The following SRSF1 variants were observed in gnomAD, a reference collection of about 807,000 sequenced individuals.
SRSF1 encodes the protein serine and arginine rich splicing factor 1, also known as serine/arginine-rich splicing factor 1.
SRSF1 carries 1 observed loss-of-function variant against 25.9 expected under a neutral mutation model. The observed-to-expected ratio is 0.04, with a 90% CI of 0.01 to 0.18. SRSF1 has a LOEUF of 0.18. Ranked by LOEUF, SRSF1 falls within the 10% of genes least tolerant of loss-of-function variation. The pLI, the probability that SRSF1 is intolerant of heterozygous loss-of-function variation, is 1.00. For missense variants in SRSF1, 65 were observed against 350.5 expected, an observed-to-expected ratio of 0.19 and a Z score of 6.50; for synonymous variants, 132 against 126.2, an observed-to-expected ratio of 1.05 and a Z score of -0.31.
chr17:58,000,467 G>C (rs1191897653), downstream of SRSF1, among the ~76,000 whole-genome samples: 1 of 152,090 alleles, frequency 6.6e-6, no homozygotes, highest in African/African-American at 2.4e-5. Flanking sequence ...TACTGATACA[G>C]AAACAATAAC....
rs2075419380 is a variant in SRSF1, at chr17:58,005,290, T to G, written c.*116A>C. 1 of 1,122,446 alleles carries G rather than the reference T, an allele frequency of 8.9e-7. No individual in the cohort carries two copies. The highest frequency in any genetic ancestry group is 1.6e-5 in the African/African-American group (1 of 64,070). The allele number at this position is 1,122,446 out of a possible 1,614,324, so 69.5% of individuals were successfully genotyped here. On this transcript the variant is annotated 3_prime_UTR_variant, in exon 4 of 4. Coordinates refer to ENST00000258962, the MANE Select transcript of SRSF1 (RefSeq NM_006924.5). The surrounding 1 kb of genome is among the most constrained non-coding windows in gnomAD (Gnocchi z 5.2). ...GCAAGGGGATATTACAAGAATGCAA[T>G]TCAACACTTTAGCCCATTCTGAACA...
At chr17:58,006,218 C>T in intron 2 of SRSF1, 125 bp downstream of exon 2, 2 of 1,262,350 alleles carry the variant, frequency 1.6e-6, no homozygotes, top group South Asian at 1.5e-5. Flanking sequence ...ATTAAATTCA[C>T]CCAAAAACTA....
At chr17:57,999,130 T>C (rs1458481339), downstream of SRSF1, among the ~76,000 whole-genome samples, 1 of 152,196 alleles carries the variant, frequency 6.6e-6, no homozygotes, top group Non-Finnish European at 1.5e-5. Flanking sequence ...AAGTGAGGCC[T>C]AGAAAATAGA....
At chr17:58,000,115 T>G (rs1173803592), downstream of SRSF1, among the ~76,000 whole-genome samples, 1 of 152,198 alleles carries the variant, frequency 6.6e-6, no homozygotes, top group Non-Finnish European at 1.5e-5. Flanking sequence ...TTTATTCAAT[T>G]TTTATTCTGT....
chr17:57,995,103 C>G, the SRSF1 span, among the ~76,000 whole-genome samples: 1 of 152,156 alleles, frequency 6.6e-6, no homozygotes, highest in Non-Finnish European at 1.5e-5. Context: ...TTGCTGAATA[C>G]AAAAACTGAT....
chr17:57,991,326 C>A, the SRSF1 span: 4 of 152,190 alleles, frequency 2.6e-5, no homozygotes, highest in African/African-American at 9.7e-5. Context: ...ATGTGGATTA[C>A]AGACTTAGAA....
rs1156334606 is a variant in SRSF1 at position 58,005,876 on chromosome 17, G to A, written c.477C>T (p.Val159=). 2 of 1,613,818 alleles carry A rather than the reference G, an allele frequency of 1.2e-6. No individual in the cohort carries two copies. Among genetic ancestry groups the A allele is most frequent in the African/African-American group, 1.3e-5 (1 of 74,858 alleles). Residue 159 remains valine (V), a synonymous_variant, in exon 3 of 4, where the codon GTC becomes GTT. Transcript: ENST00000258962. The surrounding 1 kb of genome is among the most constrained non-coding windows in gnomAD (Gnocchi z 5.2). ...TATCTTCTTTCCGTACAAACTCCACGACACCAGTGCCATCTCGGTAAACAT... is the reference window on the plus strand; with the variant it reads ...TATCTTCTTTCCGTACAAACTCCACAACACCAGTGCCATCTCGGTAAACAT... ...YADVYRDGTG[V]VEFVRKEDMT...
the SRSF1 span, chr17:57,994,304 CTGAGG>C: frequency 6.6e-6 from 1 of 152,186 alleles, no homozygotes; most frequent in Non-Finnish European, 1.5e-5. Flanking sequence ...TACACTTTAG[CTGAGG>C]TGTTAACTCT....
Position 58,002,342 on chromosome 17 carries a change from A to G in SRSF1, c.*3064T>C, listed in dbSNP as rs546291439. Reference sequence around the variant, plus strand: ...AATCTACCGATTGGGGTGACCTTACACATTTCTTCCACTACCAAGATTTCT... The same window carrying G: ...AATCTACCGATTGGGGTGACCTTACGCATTTCTTCCACTACCAAGATTTCT... On this transcript the variant is annotated 3_prime_UTR_variant, in exon 4 of 4. Transcript: ENST00000258962. Among the ~76,000 whole-genome samples, 3 of 152,276 alleles carry G rather than the reference A, an allele frequency of 2.0e-5. No individual in the cohort carries two copies. Among genetic ancestry groups the G allele is most frequent in the South Asian group, 2.1e-4 (1 of 4,826 alleles).
chr17:58,000,453 T>G (rs1458385926), downstream of SRSF1, among the ~76,000 whole-genome samples: 1 of 152,178 alleles, frequency 6.6e-6, no homozygotes, highest in East Asian at 1.9e-4. Context: ...AATGTTCCTT[T>G]AAGTACTGAT....
At position 58,005,174 on chromosome 17, in the gene SRSF1, G is replaced by A. The variant is rs1318474995; in HGVS notation, c.*232C>T. 2 of 586,732 alleles carry A rather than the reference G, an allele frequency of 3.4e-6. No homozygotes were observed. The highest frequency in any genetic ancestry group is 6.0e-6 in the Non-Finnish European group (2 of 332,402). 36.3% of individuals were successfully genotyped at this position (586,732 alleles called of 1,614,324 possible). A position where few individuals can be genotyped will look rare whatever the true frequency, so the allele number is the denominator to read the frequency against. The stretch of plus-strand genomic sequence containing the variant: ...TTTACACAATATCACAGTCTGAAGA[G>A]TATGGAGTTAACTAAATTTAAACAA... On this transcript the variant is annotated 3_prime_UTR_variant, in exon 4 of 4. Transcript: ENST00000258962. This position sits in a 1 kb window ranked among gnomAD's most constrained non-coding sequence, Gnocchi z 5.2.
downstream of SRSF1, among the ~76,000 whole-genome samples, chr17:57,996,003 G>A (rs1266772926): frequency 1.3e-5 from 2 of 152,090 alleles, no homozygotes; most frequent in South Asian, 2.1e-4. Context: ...GGTAGCAAGG[G>A]TATAAACCTT....
chr17:58,006,059 TTAAAG>T, intron 2 of SRSF1, 86 bp from the exon 3 acceptor site: 2 of 1,288,576 alleles, frequency 1.6e-6, no homozygotes, highest in Non-Finnish European at 2.1e-6. Flanking sequence ...AAAGAGTACT[TTAAAG>T]TACTTAATAG....
At chr17:57,999,006 G>A (rs966408839), downstream of SRSF1, among the ~76,000 whole-genome samples, 4 of 152,154 alleles carry the variant, frequency 2.6e-5, no homozygotes, top group Non-Finnish European at 5.9e-5. Context: ...GGGAGAAAGC[G>A]GTGATGGGAA....
At chr17:58,000,103 CATTT>C (rs1163728591), downstream of SRSF1, among the ~76,000 whole-genome samples, 1 of 152,066 alleles carries the variant, frequency 6.6e-6, no homozygotes, top group Non-Finnish European at 1.5e-5. Flanking sequence ...ATGACAGAGT[CATTT>C]ATTCAATTTT....
rs2075428478 is a variant in SRSF1 at position 58,006,446 on chromosome 17, G to A, written c.276C>T (p.Gly92=). 2 of 1,613,338 alleles carry A rather than the reference G, an allele frequency of 1.2e-6. No individual in the cohort carries two copies. Among genetic ancestry groups the A allele is most frequent in the South Asian group, 2.2e-5 (2 of 91,082 alleles). The part of the protein sequence containing the change: ...YRLRVEFPRS[G]RGTGRGGGGG... ...CGCCGCCGCCTCGGCCTGTTCCACG[G>A]CCGCTTCGAGGAAACTCCACCCGCA... Residue 92 remains glycine (G), a synonymous_variant, in exon 2 of 4, where the codon GGC becomes GGT. Coordinates refer to ENST00000258962, the MANE Select transcript of SRSF1 (RefSeq NM_006924.5).
chr17:57,989,969 C>A, the SRSF1 span: 1 of 383,728 alleles, frequency 2.6e-6, no homozygotes, highest in Non-Finnish European at 4.6e-6. Context: ...TTCTTATTTT[C>A]ATTCAGTGGA....
chr17:58,006,734 G>T, intron 1 of SRSF1: 2 of 879,454 alleles, frequency 2.3e-6, no homozygotes, highest in Non-Finnish European at 3.4e-6. Context: ...TCCCGCTCCA[G>T]CCTGCGAATG....
downstream of SRSF1, among the ~76,000 whole-genome samples, chr17:57,999,254 G>A: frequency 6.6e-6 from 1 of 152,154 alleles, no homozygotes; most frequent in East Asian, 1.9e-4. Context: ...CAAACTGCAG[G>A]TCTCTAAAAG....
Sources: gnomAD v4.1 joint callset for allele counts (sites outside exome capture counted in the v4.1 genomes callset) on GRCh38, gnomAD v4.1.1 for gene constraint, Gnocchi (gnomAD v3.1) non-coding constraint, MANE v1.5 for transcripts, NCBI Gene and HGNC (gene_info 2026-07-23, HGNC 2026-07-21) for gene names.